BNIP2: variants seen among roughly 807,000 people sequenced by gnomAD.
BNIP2 encodes BCL2/adenovirus E1B 19 kDa protein-interacting protein 2.
BNIP2 carries 36 observed loss-of-function variants against 43.4 expected under a neutral mutation model. That is an observed-to-expected ratio of 0.83 (90% confidence interval 0.64 to 1.10). BNIP2 has a LOEUF of 1.10. Among genes scored for constraint, BNIP2 ranks in the 50% least tolerant of loss-of-function variants. The pLI is 0.00. For missense variants in BNIP2, 417 were observed against 374.1 expected (o/e 1.11, Z -0.95); for synonymous variants, 146 against 121.0 (o/e 1.21, Z -1.35).
chr15:59,671,073 CAAA>C (rs56337803), intron 7 of BNIP2, 107 bp downstream of exon 7: 17 of 824,882 alleles, frequency 2.1e-5, no homozygotes, highest in Admixed American at 3.8e-5. Context: ...AACTCCGTCT[CAAA>C]AAAAAAAAAA....
At chr15:59,677,139 T>G in intron 5 of BNIP2, 1 of 1,599,500 alleles carries the variant, frequency 6.3e-7, no homozygotes, top group Non-Finnish European at 8.6e-7. Context: ...TGAGGCTATT[T>G]ACATGCAGAA....
At position 59,664,061 on chromosome 15, in the gene BNIP2, T is replaced by A; in HGVS notation, c.*8A>T. On this transcript the variant is annotated 3_prime_UTR_variant, in exon 10 of 10. Transcript: ENST00000607373. The stretch of plus-strand genomic sequence containing the variant: ...ATTCTTCAGTCTTGTTTGGACTAGA[T>A]GCCAAACTTACTGTTCATTTTTCGG... 1 of 1,545,514 alleles carries A rather than the reference T, an allele frequency of 6.5e-7. No homozygotes were observed. The highest frequency in any genetic ancestry group is 8.8e-7 in the Non-Finnish European group (1 of 1,142,414).
intron 9 of BNIP2, chr15:59,668,000 A>G: frequency 1.4e-6 from 1 of 735,856 alleles, no homozygotes. Flanking sequence ...ATATTTGCAA[A>G]TGCTATTATC....
intron 5 of BNIP2, among the ~76,000 whole-genome samples, chr15:59,673,394 G>A (rs1416415632): frequency 2.6e-5 from 4 of 151,482 alleles, no homozygotes; most frequent in African/African-American, 4.9e-5. Flanking sequence ...GATTACAGGC[G>A]TGAGCCACCG....
At chr15:59,678,697 T>C in intron 4 of BNIP2, 1 of 1,214,924 alleles carries the variant, frequency 8.2e-7, no homozygotes, top group Non-Finnish European at 1.1e-6. Context: ...GCAGTTTAGC[T>C]GATTTTCAAT....
chr15:59,688,659 C>T, intron 1 of BNIP2: 2 of 1,502,418 alleles, frequency 1.3e-6, no homozygotes, highest in Admixed American at 2.0e-5. Context: ...GTTTAGCGTA[C>T]TAGGGAAGAT....
intron 1 of BNIP2, 196 bp downstream of exon 1, chr15:59,688,939 G>C: frequency 6.9e-7 from 1 of 1,450,744 alleles, no homozygotes; most frequent in East Asian, 2.5e-5. Flanking sequence ...CCCAAGCCAA[G>C]GGCGGGGACC....
chr15:59,671,149 T>C, intron 7 of BNIP2, 34 bp downstream of exon 7: 1 of 1,516,962 alleles, frequency 6.6e-7, no homozygotes, highest in Non-Finnish European at 8.8e-7. Flanking sequence ...TATAAAATTT[T>C]TTCAGACTAG....
intron 6 of BNIP2, 104 bp from the exon 7 acceptor site, chr15:59,671,418 G>C (rs1019887175): frequency 3.1e-6 from 3 of 970,620 alleles, no homozygotes; most frequent in African/African-American, 1.6e-5. Flanking sequence ...CTCCTACAAT[G>C]AGAGCAACAA....
chr15:59,671,722 G>T (rs1189707562), intron 6 of BNIP2, among the ~76,000 whole-genome samples: 1 of 152,164 alleles, frequency 6.6e-6, no homozygotes, highest in Non-Finnish European at 1.5e-5. Flanking sequence ...AACTGATTTG[G>T]CTCAATTATA....
rs1025801450 is a variant in BNIP2, at chr15:59,663,065, G to A, written c.*1004C>T. 1.0e-4 allele frequency: 16 copies of A among 152,664 alleles called. No homozygotes were observed. The highest frequency in any genetic ancestry group is 1.9e-4 in the East Asian group (1 of 5,194). 9.5% of individuals were successfully genotyped at this position (152,664 alleles called of 1,614,324 possible). A position where few individuals can be genotyped will look rare whatever the true frequency, so the allele number is the denominator to read the frequency against. ...CATCTAACTAGGTCAAACAACTACCGAGTTCAAATAATTGATATGGAAGTA... is the reference window on the plus strand; with the variant it reads ...CATCTAACTAGGTCAAACAACTACCAAGTTCAAATAATTGATATGGAAGTA... On this transcript the variant is annotated 3_prime_UTR_variant, in exon 10 of 10. Transcript: ENST00000607373.
intron 9 of BNIP2, among the ~76,000 whole-genome samples, chr15:59,668,425 G>A (rs1312986124): frequency 6.6e-6 from 1 of 152,168 alleles, no homozygotes; most frequent in Non-Finnish European, 1.5e-5. Context: ...GGAAGAATGT[G>A]AATCTGATAA....
rs986100157 is a variant in BNIP2 at position 59,680,408 on chromosome 15, G to A, written c.51-100C>T. The A allele has an allele frequency of 4.3e-6, 4 of 923,916 alleles. No homozygotes were observed. The African/African-American group carries it at 6.8e-5, about 16-fold the overall frequency. The allele number at this position is 923,916 out of a possible 1,614,324, so 57.2% of individuals were successfully genotyped here. On this transcript the variant is annotated intron_variant, in intron 2 of 9. Transcript: ENST00000607373. ...TACAGCTTATAGAAATAATTATTTG[G>A]AAAATGGAATAAAGCAGTGTTGTTG...
chr15:59,661,737 A>G lies in BNIP2; in HGVS notation c.*2332T>C, dbSNP rs1403798423. The stretch of plus-strand genomic sequence containing the variant: ...ACATATACTTTCACCTTGGTCAGTA[A>G]TGGGAAATTAAAATGGAATAATATG... On this transcript the variant is annotated 3_prime_UTR_variant, in exon 10 of 10. Coordinates refer to ENST00000607373, the MANE Select transcript of BNIP2 (RefSeq NM_004330.4). 6.6e-6 allele frequency: 1 copy of G among 152,218 alleles called. No homozygotes were observed. The highest frequency in any genetic ancestry group is 2.4e-5 in the African/African-American group (1 of 41,450). The allele number at this position is 152,218 out of a possible 1,614,324, so 9.4% of individuals were successfully genotyped here. A position where few individuals can be genotyped will look rare whatever the true frequency, so the allele number is the denominator to read the frequency against.
In BNIP2 at chr15:59,661,026, T is replaced by G. The variant is rs186353702; in HGVS notation, c.*3043A>C. ...AGAAATGTTACCATCAGCAGTCACA[T>G]ATGGTACTTCCCTTAAAAGGACACA... On this transcript the variant is annotated 3_prime_UTR_variant, in exon 10 of 10. Coordinates refer to ENST00000607373, the MANE Select transcript of BNIP2 (RefSeq NM_004330.4). The G allele has an allele frequency of 1.3e-5, 2 of 152,296 alleles. No homozygotes were observed. Among genetic ancestry groups the G allele is most frequent in the East Asian group, 3.9e-4 (2 of 5,176 alleles). 9.4% of individuals were successfully genotyped at this position (152,296 alleles called of 1,614,324 possible). A position where few individuals can be genotyped will look rare whatever the true frequency, so the allele number is the denominator to read the frequency against.
At chr15:59,677,694 T>C (rs1893393944) in intron 5 of BNIP2, 1 of 1,172,242 alleles carries the variant, frequency 8.5e-7, no homozygotes, top group Non-Finnish European at 1.1e-6. Context: ...GAGAAAGCTA[T>C]ATTTTCCATT....
chr15:59,678,961 C>A, intron 4 of BNIP2: 2 of 815,734 alleles, frequency 2.5e-6, no homozygotes, highest in Admixed American at 4.0e-5. Context: ...AAAAAGAAAC[C>A]AAAAATATAG....
At chr15:59,682,367 C>T in intron 2 of BNIP2, 41 bp downstream of exon 2, 2 of 1,534,764 alleles carry the variant, frequency 1.3e-6, no homozygotes, top group Non-Finnish European at 1.8e-6. Context: ...AAATTTTGAA[C>T]TTTTGCTCTA....
intron 5 of BNIP2, among the ~76,000 whole-genome samples, chr15:59,674,039 G>A (rs1188282662): frequency 1.4e-5 from 2 of 144,284 alleles, no homozygotes; most frequent in African/African-American, 2.6e-5. Flanking sequence ...GCAGTGAGTC[G>A]AGACTGCACC....
Sources: gnomAD v4.1 joint callset for allele counts (sites outside exome capture counted in the v4.1 genomes callset) on GRCh38, gnomAD v4.1.1 for gene constraint, MANE v1.5 for transcripts, NCBI Gene and HGNC (gene_info 2026-07-23, HGNC 2026-07-21) for gene names.